MID2: variants seen among roughly 807,000 people sequenced by gnomAD.
The protein encoded by MID2 is midline 2.
A neutral mutation model predicts 46.1 loss-of-function variants in MID2; 13 were observed. The ratio of observed to expected loss-of-function variants is 0.28; its 90% CI spans 0.18 to 0.45. The LOEUF (loss-of-function observed/expected upper bound fraction) is 0.45. Among genes scored for constraint, MID2 ranks in the 20% least tolerant of loss-of-function variants. The pLI is 1.00. For synonymous variants in MID2, 199 were observed against 212.3 expected (o/e 0.94, Z 0.55); for missense variants, 431 against 575.4 (o/e 0.75, Z 2.57).
In MID2 at chrX:107,886,376, G is replaced by T. The variant is rs775071254; in HGVS notation, c.817-17582G>T. On this transcript the variant is annotated intron_variant, in intron 3 of 9. Transcript: ENST00000262843. ...TTTTCCCAGCACCATTTATTAAATAGGGAATCCTTTCCCCATTGCTTGTTT... is the reference window on the plus strand; with the variant it reads ...TTTTCCCAGCACCATTTATTAAATATGGAATCCTTTCCCCATTGCTTGTTT... Among the ~76,000 whole-genome samples, 457 of 112,043 alleles carry T rather than the reference G, an allele frequency of 4.1e-3. 2 individuals carry two copies. The highest frequency in any genetic ancestry group is 0.014 in the African/African-American group (417 of 30,746).
chrX:107,869,071 A>C (rs1306590138), intron 3 of MID2, among the ~76,000 whole-genome samples: 3 of 105,661 alleles, frequency 2.8e-5, no homozygotes, highest in Non-Finnish European at 2.0e-5. Flanking sequence ...CCCCTCCTCA[A>C]ACTTTCTTTT....
chrX:107,926,456 A>G (rs1233899760), intron 9 of MID2, 155 bp downstream of exon 9: 2 of 609,348 alleles, frequency 3.3e-6, no homozygotes, highest in Non-Finnish European at 5.0e-6. Flanking sequence ...TTTTAATAAA[A>G]TAATGGAAAA....
intron 3 of MID2, among the ~76,000 whole-genome samples, chrX:107,893,229 A>T (rs1196528805): frequency 8.9e-6 from 1 of 112,732 alleles, no homozygotes; most frequent in Admixed American, 9.4e-5. Flanking sequence ...TGTCCTTTTG[A>T]TCCTATAATG....
At position 107,891,342 on chromosome X, in the gene MID2, G is replaced by A. The variant is rs140460790; in HGVS notation, c.817-12616G>A. Among the ~76,000 whole-genome samples the A allele has an allele frequency of 7.6e-3, 779 of 103,138 alleles. 10 individuals are homozygous for A. Among genetic ancestry groups the A allele is most frequent in the African/African-American group, 0.026 (721 of 27,850 alleles). 89.6% of individuals were successfully genotyped at this position (103,138 alleles called of 115,157 possible). ...GTCACCCAGGCTGGAATGCAGTGGCGCAATCTCAGCTCATTGCAACCTCCG... is the reference window on the plus strand; with the variant it reads ...GTCACCCAGGCTGGAATGCAGTGGCACAATCTCAGCTCATTGCAACCTCCG... On this transcript the variant is annotated intron_variant, in intron 3 of 9. Transcript: ENST00000262843.
At chrX:107,864,072 C>G (rs1931909944) in intron 3 of MID2, among the ~76,000 whole-genome samples, 1 of 112,551 alleles carries the variant, frequency 8.9e-6, no homozygotes, top group Non-Finnish European at 1.9e-5. Context: ...CTACATTTCT[C>G]TCACTCCAAA....
intron 2 of MID2, among the ~76,000 whole-genome samples, chrX:107,851,197 G>A (rs1002786498): frequency 9.0e-6 from 1 of 111,204 alleles, no homozygotes; most frequent in Admixed American, 9.6e-5. Flanking sequence ...TCACACTACA[G>A]AGTTATTATA....
chrX:107,870,615 A>G (rs1171944717), intron 3 of MID2, among the ~76,000 whole-genome samples: 1 of 111,281 alleles, frequency 9.0e-6, no homozygotes, highest in East Asian at 2.8e-4. Flanking sequence ...ATATCTCTCC[A>G]ATGGTGTGCT....
At chrX:107,834,689 C>T (rs770341906) in intron 1 of MID2, among the ~76,000 whole-genome samples, 1 of 111,106 alleles carries the variant, frequency 9.0e-6, no homozygotes, top group African/African-American at 3.3e-5. Flanking sequence ...TAGAGATATC[C>T]CAGGGTATTG....
intron 3 of MID2, among the ~76,000 whole-genome samples, chrX:107,881,146 T>C (rs12839981): frequency 0.039 from 4,380 of 112,535 alleles, 88 homozygotes; most frequent in Middle Eastern, 0.18. Context: ...GTTAGAGTGC[T>C]ACTAAATTCA....
In MID2 at chrX:107,869,673, AT is replaced by A. The variant is rs746812150; in HGVS notation, c.816+14976del. On this transcript the variant is annotated intron_variant, in intron 3 of 9. Coordinates refer to ENST00000262843, the MANE Select transcript of MID2 (RefSeq NM_012216.4). ...TGTTTTCTTCAAATAGGTACAGTAC[AT>A]TTTTTTGTTGTTGTTGATTCCTAAG... 2.9e-3 allele frequency among the ~76,000 whole-genome samples: 325 copies of A among 110,697 alleles called. 1 individual carries two copies. The highest frequency in any genetic ancestry group is 0.01 in the African/African-American group (315 of 30,569).
At chrX:107,843,866 G>A (rs189664849) in intron 2 of MID2, among the ~76,000 whole-genome samples, 2 of 110,037 alleles carry the variant, frequency 1.8e-5, no homozygotes, top group Non-Finnish European at 3.8e-5. Flanking sequence ...GAGAAAGTTG[G>A]CTGGCAGGAG....
Position 107,869,762 on chromosome X carries a change from A to G in MID2, c.816+15058A>G, listed in dbSNP as rs377519340. Among the ~76,000 whole-genome samples, 16 of 111,128 alleles carry G rather than the reference A, an allele frequency of 1.4e-4. No homozygotes were observed. In the South Asian group the frequency reaches 3.0e-3, roughly 21 times the overall value. On this transcript the variant is annotated intron_variant, in intron 3 of 9. Transcript: ENST00000262843. ...TTTCTATTTCCATTTTTAAAAGCAT[A>G]TGGAGAAAAGCTTTTGATTTTATAT...
chrX:107,844,742 C>G (rs992412102), intron 2 of MID2, among the ~76,000 whole-genome samples: 4 of 111,250 alleles, frequency 3.6e-5, no homozygotes, highest in Non-Finnish European at 5.7e-5. Context: ...AGCCTCCTGT[C>G]TGCAAAATAT....
At chrX:107,829,803 T>C (rs752411536) in intron 1 of MID2, among the ~76,000 whole-genome samples, 45 of 112,093 alleles carry the variant, frequency 4.0e-4, no homozygotes, top group Non-Finnish European at 7.0e-4. Context: ...ACTAGAATTC[T>C]CGTCTGGCAT....
chrX:107,833,904 C>T (rs1189717870), intron 1 of MID2, among the ~76,000 whole-genome samples: 1 of 111,288 alleles, frequency 9.0e-6, no homozygotes, highest in Non-Finnish European at 1.9e-5. Flanking sequence ...AGCGATTTTC[C>T]CACCTCAGCC....
intron 2 of MID2, among the ~76,000 whole-genome samples, chrX:107,854,145 T>C (rs1931691836): frequency 8.9e-6 from 1 of 111,762 alleles, no homozygotes; most frequent in African/African-American, 3.3e-5. Context: ...AAGTCCATCA[T>C]AAGTTGAAAA....
chrX:107,928,825 G>T lies in MID2; in HGVS notation c.*1752G>T. On this transcript the variant is annotated 3_prime_UTR_variant, in exon 10 of 10. Coordinates refer to ENST00000262843, the MANE Select transcript of MID2 (RefSeq NM_012216.4). The stretch of plus-strand genomic sequence containing the variant: ...AGACTGATGCAGACACACAAGGAAG[G>T]CTCAAAAATATAAATCTAGCAGCAA... 8.9e-6 allele frequency among the ~76,000 whole-genome samples: 1 copy of T among 111,983 alleles called. No homozygotes were observed. Among genetic ancestry groups the T allele is most frequent in the Non-Finnish European group, 1.9e-5 (1 of 53,095 alleles).
At chrX:107,915,412 C>T (rs1932951738) in intron 5 of MID2, among the ~76,000 whole-genome samples, 1 of 109,917 alleles carries the variant, frequency 9.1e-6, no homozygotes. Context: ...CAAAAATTAG[C>T]TGGGTGTGGT....
At chrX:107,904,465 C>T (rs1382491647) in intron 4 of MID2, among the ~76,000 whole-genome samples, 14 of 111,372 alleles carry the variant, frequency 1.3e-4, no homozygotes, top group East Asian at 2.8e-4. Context: ...CAGCCATTCT[C>T]GTTTCTTAGG....
Sources: allele counts gnomAD v4.1 joint callset (sites outside exome capture counted in the v4.1 genomes callset), GRCh38; gene constraint gnomAD v4.1.1; transcripts MANE v1.5; gene names NCBI Gene and HGNC (gene_info 2026-07-23, HGNC 2026-07-21).